The following ABCC5 variants were observed in gnomAD, a reference collection of about 807,000 sequenced individuals.
ABCC5 encodes the protein ATP-binding cassette sub-family C member 5.
A neutral mutation model predicts 160.9 loss-of-function variants in ABCC5; 61 were observed. The observed-to-expected ratio is 0.38, with a 90% CI of 0.31 to 0.47. The LOEUF (loss-of-function observed/expected upper bound fraction) is 0.47. ABCC5 is among the 20% of genes least tolerant of loss of function. ABCC5 has a pLI of 0.99. For missense variants in ABCC5, 1,308 were observed against 1,813.3 expected (o/e 0.72, Z 5.06); for synonymous variants, 666 against 700.6 (o/e 0.95, Z 0.78).
chr3:183,950,186 A>G (rs1715212321), intron 20 of ABCC5, 61 bp from the exon 21 acceptor site: 1 of 1,529,352 alleles, frequency 6.5e-7, no homozygotes, highest in Non-Finnish European at 8.8e-7. Flanking sequence ...CTGAAAATTG[A>G]AAAAAACAAA....
chr3:183,957,058 C>T, intron 17 of ABCC5, among the ~76,000 whole-genome samples: 1 of 123,358 alleles, frequency 8.1e-6, no homozygotes, highest in South Asian at 2.9e-4. Context: ...GTGTGTACAT[C>T]ACATCGGTTA....
intron 28 of ABCC5, among the ~76,000 whole-genome samples, chr3:183,927,088 A>G (rs1275003422): frequency 6.6e-6 from 1 of 152,182 alleles, no homozygotes; most frequent in Non-Finnish European, 1.5e-5. Context: ...CAGTCGTACA[A>G]CTACTCAATG....
At chr3:183,937,214 TA>T (rs1195901801) in intron 26 of ABCC5, among the ~76,000 whole-genome samples, 3 of 151,928 alleles carry the variant, frequency 2.0e-5, no homozygotes, top group East Asian at 3.9e-4. Flanking sequence ...TCATCTCTAC[TA>T]AAAATACAAA....
chr3:183,930,482 AC>A (rs1439177165), intron 26 of ABCC5, among the ~76,000 whole-genome samples: 1 of 152,186 alleles, frequency 6.6e-6, no homozygotes, highest in East Asian at 1.9e-4. Context: ...TAAGAATGTG[AC>A]CTTATTTGGA....
intron 17 of ABCC5, among the ~76,000 whole-genome samples, chr3:183,954,440 C>T (rs1026775826): frequency 6.6e-6 from 1 of 152,196 alleles, no homozygotes; most frequent in African/African-American, 2.4e-5. Context: ...TGAGCCACCG[C>T]ACCTAGCTGG....
rs1027429018 is a variant in ABCC5 at position 183,921,752 on chromosome 3, G to A, written c.4213-351C>T. ...AACCAACCAGGTCTATAAACTGCAG[G>A]AGGCTGGTGGCTCACGCCTGTAATC... On this transcript the variant is annotated intron_variant, in intron 29 of 29. Coordinates refer to ENST00000334444, the MANE Select transcript of ABCC5 (RefSeq NM_005688.4). This position sits in a 1 kb window ranked among gnomAD's most constrained non-coding sequence, Gnocchi z 4.1. 2.0e-5 allele frequency among the ~76,000 whole-genome samples: 3 copies of A among 152,098 alleles called. No individual in the cohort carries two copies. Among genetic ancestry groups the A allele is most frequent in the Non-Finnish European group, 2.9e-5 (2 of 68,024 alleles).
At position 184,005,586 on chromosome 3, in the gene ABCC5, A is replaced by AT. The variant is rs780172695; in HGVS notation, c.129+8677dup. Among the ~76,000 whole-genome samples the AT allele has an allele frequency of 7.3e-5, 11 of 149,732 alleles. No individual in the cohort carries two copies. In the East Asian group the frequency reaches 1.8e-3, roughly 24 times the overall value. ...CCTGTTTCTTTGCGTTGACCTTTTT[A>AT]TTTTTGACTAAAAGAGAGGGAAAAA... On this transcript the variant is annotated intron_variant, in intron 2 of 29. Coordinates refer to ENST00000334444, the MANE Select transcript of ABCC5 (RefSeq NM_005688.4).
intron 28 of ABCC5, 52 bp downstream of exon 28, chr3:183,927,278 C>T: frequency 6.4e-7 from 1 of 1,571,024 alleles, no homozygotes; most frequent in East Asian, 2.3e-5. Flanking sequence ...CAGGGCAAGG[C>T]TGCACTAAAA....
In ABCC5 at chr3:183,922,170, G is replaced by A. The variant is rs1162206230; in HGVS notation, c.4213-769C>T. On this transcript the variant is annotated intron_variant, in intron 29 of 29. Transcript: ENST00000334444. ...GCGGATCACCTGAGGTCAGGAGTTC[G>A]AGACCAGCCTGACCAACATGGTGAA... 2.0e-5 allele frequency among the ~76,000 whole-genome samples: 3 copies of A among 151,094 alleles called. No individual in the cohort carries two copies. In the East Asian group the frequency reaches 5.9e-4, roughly 30 times the overall value.
intron 17 of ABCC5, among the ~76,000 whole-genome samples, chr3:183,958,026 T>C (rs1318636980): frequency 2.0e-5 from 3 of 150,558 alleles, no homozygotes; most frequent in Non-Finnish European, 4.4e-5. Flanking sequence ...ATCACATCGG[T>C]TACATGCAGA....
At chr3:183,922,563 T>C (rs1017280383) in intron 29 of ABCC5, among the ~76,000 whole-genome samples, 6 of 152,186 alleles carry the variant, frequency 3.9e-5, no homozygotes, top group African/African-American at 1.4e-4. Context: ...GGGAGTGACT[T>C]AGTCAGGTGG....
intron 10 of ABCC5, among the ~76,000 whole-genome samples, chr3:183,975,390 G>C (rs1463387613): frequency 1.3e-5 from 2 of 152,032 alleles, no homozygotes; most frequent in Non-Finnish European, 2.9e-5. Flanking sequence ...TGCCCAGGCT[G>C]GAGTGCAGTG....
chr3:183,990,764 T>A (rs1719691111), intron 2 of ABCC5, among the ~76,000 whole-genome samples: 1 of 152,198 alleles, frequency 6.6e-6, no homozygotes, highest in African/African-American at 2.4e-5. Flanking sequence ...TGTATAAATG[T>A]TCGTTCATTA....
chr3:183,943,635 G>A (rs1714569736), intron 24 of ABCC5, among the ~76,000 whole-genome samples: 1 of 152,120 alleles, frequency 6.6e-6, no homozygotes, highest in African/African-American at 2.4e-5. Flanking sequence ...CTTATGGGGG[G>A]AAGTAAGGGC....
In ABCC5 at chr3:183,953,211, C is replaced by T. The variant is rs758033349; in HGVS notation, c.2542G>A (p.Val848Ile). The T allele has an allele frequency of 1.2e-6, 2 of 1,614,024 alleles. No homozygotes were observed. Among genetic ancestry groups the T allele is most frequent in the Admixed American group, 1.7e-5 (1 of 59,996 alleles). Residue 848 changes from valine (V) to isoleucine (I), a missense_variant, in exon 18 of 30, where the codon GTC (valine) becomes ATC (isoleucine). Val to Ile is a conservative substitution (Grantham distance 29, BLOSUM62 3). Transcript: ENST00000334444. ...QGSVPWSVYG[V>I]YIQAAGGPLA... Reference sequence around the variant, plus strand: ...GGGCCCCCAGCAGCCTGGATGTAGACACCATATACTGACCAGGGCACTGAA... The same window carrying T: ...GGGCCCCCAGCAGCCTGGATGTAGATACCATATACTGACCAGGGCACTGAA...
chr3:183,952,087 A>G (rs1033582609), intron 18 of ABCC5, 84 bp from the exon 19 acceptor site: 17 of 1,478,504 alleles, frequency 1.1e-5, no homozygotes, highest in Non-Finnish European at 1.4e-5. Context: ...GCTCAAGGGC[A>G]GGGCAGGGTA....
chr3:184,017,315 A>C lies in ABCC5; in HGVS notation c.-56+515T>G, dbSNP rs1207664431. 3.9e-5 allele frequency: 6 copies of C among 152,000 alleles called. No individual in the cohort carries two copies. The highest frequency in any genetic ancestry group is 1.5e-4 in the African/African-American group (6 of 41,362). 9.4% of individuals were successfully genotyped at this position (152,000 alleles called of 1,614,324 possible). ...GCGCGTGCTTATGTCACGTACCTCCATTTACCCGCTTGCAAAAACGAAGGG... is the reference window on the plus strand; with the variant it reads ...GCGCGTGCTTATGTCACGTACCTCCCTTTACCCGCTTGCAAAAACGAAGGG... On this transcript the variant is annotated intron_variant, in intron 1 of 29. Coordinates refer to ENST00000334444, the MANE Select transcript of ABCC5 (RefSeq NM_005688.4). This position sits in a 1 kb window ranked among gnomAD's most constrained non-coding sequence, Gnocchi z 4.5.
intron 29 of ABCC5, among the ~76,000 whole-genome samples, chr3:183,924,694 G>C (rs1409820003): frequency 6.6e-6 from 1 of 152,172 alleles, no homozygotes; most frequent in East Asian, 1.9e-4. Flanking sequence ...AGATGAATGA[G>C]CGGTGACTCT....
chr3:183,927,947 C>T (rs921029990), intron 27 of ABCC5: 21 of 429,198 alleles, frequency 4.9e-5, no homozygotes, highest in African/African-American at 3.4e-4. Flanking sequence ...GATCCTGACT[C>T]AACCCAGGCA....
Sources: allele counts gnomAD v4.1 joint callset (sites outside exome capture counted in the v4.1 genomes callset), GRCh38; gene constraint gnomAD v4.1.1; non-coding constraint Gnocchi (gnomAD v3.1); transcripts MANE v1.5; gene names NCBI Gene and HGNC (gene_info 2026-07-23, HGNC 2026-07-21).